The following PLEKHM3 variants were observed in gnomAD, a reference collection of about 807,000 sequenced individuals.
PLEKHM3 encodes pleckstrin homology domain containing M3, also known as pleckstrin homology domain-containing family M member 3.
Under a neutral mutation model 81.8 loss-of-function variants are expected in PLEKHM3, and 45 were observed. The ratio of observed to expected loss-of-function variants is 0.55; its 90% CI spans 0.43 to 0.71. The LOEUF (loss-of-function observed/expected upper bound fraction) is 0.71, where lower values mean the gene tolerates loss of function less well. Ranked by LOEUF, PLEKHM3 falls within the 30% of genes least tolerant of loss-of-function variation. The probability of loss-of-function intolerance (pLI) is 0.00; values close to 1 mark genes in which losing one functional copy is unlikely to be tolerated. For missense variants in PLEKHM3, 788 were observed against 924.3 expected (o/e 0.85, Z 1.91); for synonymous variants, 352 against 356.4 (o/e 0.99, Z 0.14).
intron 7 of PLEKHM3, among the ~76,000 whole-genome samples, chr2:207,837,761 A>ATTTTTTTTTTTTTTTTTTT (rs1194861994): frequency 1.3e-5 from 1 of 74,738 alleles, no homozygotes; most frequent in Non-Finnish European, 2.4e-5. Flanking sequence ...CGGTTCTTCC[A>ATTTTTTTTTTTTTTTTTTT]TTTTTTTTTT....
chr2:207,913,571 C>T (rs961342711), intron 5 of PLEKHM3, among the ~76,000 whole-genome samples: 2 of 152,026 alleles, frequency 1.3e-5, no homozygotes, highest in Non-Finnish European at 2.9e-5. Context: ...AAACAGGAAT[C>T]CATCAGTGAC....
intron 7 of PLEKHM3, among the ~76,000 whole-genome samples, chr2:207,837,277 T>G (rs948964467): frequency 6.6e-6 from 1 of 152,110 alleles, no homozygotes; most frequent in Non-Finnish European, 1.5e-5. Context: ...TACTAGACAT[T>G]CTAAGGTAAA....
At chr2:207,950,969 G>A (rs1260032772) in intron 3 of PLEKHM3, among the ~76,000 whole-genome samples, 5 of 152,186 alleles carry the variant, frequency 3.3e-5, no homozygotes, top group Non-Finnish European at 7.4e-5. Context: ...TGGAAAAGAA[G>A]ATTAGAGGCT....
intron 5 of PLEKHM3, chr2:207,929,751 C>A: frequency 2.2e-6 from 1 of 458,348 alleles, no homozygotes; most frequent in Non-Finnish European, 3.8e-6. Context: ...TTTATGAGAG[C>A]TTGTCTAGAT....
rs753418017 is a variant in PLEKHM3 at position 207,946,477 on chromosome 2, C to T, written c.1582G>A (p.Ala528Thr). 25 of 1,614,080 alleles carry T rather than the reference C, an allele frequency of 1.5e-5. No individual in the cohort carries two copies. The Admixed American group carries it at 4.2e-4, about 27-fold the overall frequency. Residue 528 changes from alanine (A) to threonine (T), a missense_variant, in exon 4 of 8, where the codon GCC becomes ACC. By Grantham distance (58) the Ala-to-Thr change is moderately conservative. Transcript: ENST00000427836. ...QRSIGLSNGKAKVCNYSGWYY... is the reference protein window; with the variant it reads ...QRSIGLSNGKTKVCNYSGWYY... ...CACCCACTGTAGTTGCACACCTTGG[C>T]TTTCCCATTGGAAAGACCTATGGAT...
intron 6 of PLEKHM3, among the ~76,000 whole-genome samples, chr2:207,870,121 G>A (rs1421582722): frequency 6.6e-6 from 1 of 152,218 alleles, no homozygotes; most frequent in Non-Finnish European, 1.5e-5. Context: ...AGCCAATAGA[G>A]ATCTGTGGGA....
chr2:208,005,451 G>T (rs1263044720), intron 1 of PLEKHM3, among the ~76,000 whole-genome samples: 1 of 152,192 alleles, frequency 6.6e-6, no homozygotes, highest in Non-Finnish European at 1.5e-5. Context: ...AGGAGTAATA[G>T]TCAGGTATTT....
In PLEKHM3 at chr2:207,825,961, C is replaced by G. The variant is rs1044782085; in HGVS notation, c.*2358G>C. On this transcript the variant is annotated 3_prime_UTR_variant, in exon 8 of 8. Transcript: ENST00000427836. ...TTTGAACGGGGATCCAGAATTTCGC[C>G]CTTGACTCTCGGCAGGTATGACCCT... The G allele has an allele frequency of 3.3e-5, 5 of 152,096 alleles. No individual in the cohort carries two copies. Among genetic ancestry groups the G allele is most frequent in the African/African-American group, 1.2e-4 (5 of 41,404 alleles). 9.4% of individuals were successfully genotyped at this position (152,096 alleles called of 1,614,324 possible).
intron 7 of PLEKHM3, among the ~76,000 whole-genome samples, chr2:207,848,560 G>C (rs2092396685): frequency 6.6e-6 from 1 of 152,220 alleles, no homozygotes; most frequent in Non-Finnish European, 1.5e-5. Flanking sequence ...TCTATGGGAA[G>C]AAGTAGTTCC....
chr2:208,023,458 G>C (rs1693195104), intron 1 of PLEKHM3, among the ~76,000 whole-genome samples: 1 of 152,176 alleles, frequency 6.6e-6, no homozygotes, highest in African/African-American at 2.4e-5. Context: ...CTGTAGACTA[G>C]TACGGGTCCA....
intron 6 of PLEKHM3, among the ~76,000 whole-genome samples, chr2:207,908,114 C>CA (rs1487615102): frequency 6.6e-6 from 1 of 152,078 alleles, no homozygotes; most frequent in Non-Finnish European, 1.5e-5. Flanking sequence ...GGGTTGTTTC[C>CA]ACTTTTTTGC....
chr2:208,008,501 C>CAAAAAAAAAAA (rs59305459), intron 1 of PLEKHM3, among the ~76,000 whole-genome samples: 3 of 83,738 alleles, frequency 3.6e-5, no homozygotes, highest in African/African-American at 1.1e-4. Context: ...CTAACCTTGC[C>CAAAAAAAAAAA]AAAAAAAAAA....
chr2:207,835,017 T>C (rs2092310749), intron 7 of PLEKHM3, among the ~76,000 whole-genome samples: 2 of 151,622 alleles, frequency 1.3e-5, no homozygotes, highest in South Asian at 4.2e-4. Context: ...CCCAGCTCAC[T>C]GCAACCTCTG....
intron 1 of PLEKHM3, among the ~76,000 whole-genome samples, chr2:208,015,181 C>T (rs1692861615): frequency 6.6e-6 from 1 of 152,050 alleles, no homozygotes. Flanking sequence ...ACTTTACAGA[C>T]AAGGAAACTG....
At chr2:207,970,318 A>C (rs1691071835) in intron 3 of PLEKHM3, among the ~76,000 whole-genome samples, 1 of 151,834 alleles carries the variant, frequency 6.6e-6, no homozygotes, top group African/African-American at 2.4e-5. Context: ...AGAGGAGGAA[A>C]ATGCCCCCCC....
At chr2:208,011,319 C>T (rs993762945) in intron 1 of PLEKHM3, among the ~76,000 whole-genome samples, 2 of 151,896 alleles carry the variant, frequency 1.3e-5, no homozygotes, top group Non-Finnish European at 1.5e-5. Flanking sequence ...TTTGCAGCTG[C>T]GAAAATGTGG....
chr2:207,916,946 A>T (rs73983633), intron 5 of PLEKHM3, among the ~76,000 whole-genome samples: 3,157 of 152,278 alleles, frequency 0.021, 103 homozygotes, highest in African/African-American at 0.072. Flanking sequence ...CATGAATGAC[A>T]CTGCAGACAG....
intron 4 of PLEKHM3, among the ~76,000 whole-genome samples, chr2:207,943,471 C>T (rs1690010236): frequency 1.3e-5 from 2 of 152,294 alleles, no homozygotes; most frequent in Admixed American, 1.3e-4. Context: ...GTGTAAGATG[C>T]AGGATCATAA....
intron 5 of PLEKHM3, among the ~76,000 whole-genome samples, chr2:207,928,680 C>A (rs1260709463): frequency 6.6e-6 from 1 of 152,154 alleles, no homozygotes; most frequent in East Asian, 1.9e-4. Flanking sequence ...TTCTATACTT[C>A]TATTTTAAAT....
Sources: allele counts gnomAD v4.1 joint callset (sites outside exome capture counted in the v4.1 genomes callset), GRCh38; gene constraint gnomAD v4.1.1; transcripts MANE v1.5; gene names NCBI Gene and HGNC (gene_info 2026-07-23, HGNC 2026-07-21).